ZNF814: variants seen among roughly 807,000 people sequenced by gnomAD.
ZNF814 encodes the protein zinc finger protein 814.
In ZNF814, 5 loss-of-function variants were observed where a neutral mutation model predicts 7.5. The ratio of observed to expected loss-of-function variants is 0.67; its 90% CI spans 0.35 to 1.40. The LOEUF (loss-of-function observed/expected upper bound fraction) is 1.40. Among genes scored for constraint, ZNF814 ranks in the 40% most tolerant of loss-of-function variants. The pLI is 0.04. For synonymous variants in ZNF814, 315 were observed against 340.7 expected (o/e 0.92, Z 0.83); for missense variants, 962 against 1,018.0 (o/e 0.94, Z 0.75).
rs1026706721 is a variant in ZNF814, at chr19:57,874,983, T to C, written c.407A>G (p.His136Arg). 11 of 1,612,528 alleles carry C rather than the reference T, an allele frequency of 6.8e-6. No homozygotes were observed. In the African/African-American group the frequency reaches 1.2e-4, roughly 18 times the overall value. The change falls in exon 3 of 3, where the codon CAT (histidine) becomes CGT (arginine). Residue 136 changes from histidine (H) to arginine (R), a missense_variant. His to Arg is a conservative substitution (Grantham distance 29, BLOSUM62 0). Around this residue, in one of 7 missense-constraint regions of ZNF814, gnomAD observed 65 missense variants for 131.3 expected, o/e 0.50. Transcript: ENST00000435989. ...GNKLYDSGNF[H>R]QHQNEHIGEK... ...TCCAATGTGCTCATTCTGGTGCTGA[T>C]GAAAGTTTCCACTGTCATACAATTT...
At chr19:57,896,867 C>T in the ZNF814 span, among the ~76,000 whole-genome samples, 1 of 152,066 alleles carries the variant, frequency 6.6e-6, no homozygotes, top group Non-Finnish European at 1.5e-5. This position sits in a 1 kb window ranked among gnomAD's most constrained non-coding sequence, Gnocchi z 4.2. Context: ...GAAGCTCAAA[C>T]TCAGGCAAGG....
rs554271512 is a variant in ZNF814 at position 57,888,623 on chromosome 19, G to C, written c.36+144C>G. On this transcript the variant is annotated intron_variant, in intron 1 of 2. Transcript: ENST00000435989. ...CCGGTCTCCCCACCGCATCCCACGG[G>C]TGTCAGAAATGGGGCCCCTCCCGCA... 59 of 984,920 alleles carry C rather than the reference G, an allele frequency of 6.0e-5. No homozygotes were observed. In the South Asian group the frequency reaches 7.2e-4, roughly 12 times the overall value. The allele number at this position is 984,920 out of a possible 1,614,324, so 61.0% of individuals were successfully genotyped here.
chr19:57,889,314 C>G (rs1469662196), upstream of ZNF814, among the ~76,000 whole-genome samples: 1 of 152,150 alleles, frequency 6.6e-6, no homozygotes, highest in Non-Finnish European at 1.5e-5. Context: ...GAGGCCAAGT[C>G]ACAAGGATCA....
At chr19:57,878,376 A>G (rs145511093) in intron 1 of ZNF814, among the ~76,000 whole-genome samples, 26 of 151,986 alleles carry the variant, frequency 1.7e-4, no homozygotes, top group Non-Finnish European at 3.5e-4. Flanking sequence ...GGACATAAAA[A>G]TGGAATTGAA....
intron 1 of ZNF814, among the ~76,000 whole-genome samples, chr19:57,883,660 C>CAAA (rs112035326): frequency 7.7e-6 from 1 of 129,428 alleles, no homozygotes; most frequent in Non-Finnish European, 1.7e-5. Flanking sequence ...GACCCTGTCT[C>CAAA]AAAAAAAAAA....
chr19:57,888,985 G>T lies in ZNF814; in HGVS notation c.-183C>A, dbSNP rs1310660010. The T allele has an allele frequency of 1.6e-5, 10 of 628,156 alleles. No individual in the cohort carries two copies. Among genetic ancestry groups the T allele is most frequent in the South Asian group, 6.2e-5 (3 of 48,680 alleles). The allele number at this position is 628,156 out of a possible 1,614,324, so 38.9% of individuals were successfully genotyped here. ...CTTCTGGGTTCAGTCACCACAGTGC[G>T]GACCTAGCGCTCAGGAGCCTCTCCT... On this transcript the variant is annotated 5_prime_UTR_variant, in exon 1 of 3. Coordinates refer to ENST00000435989, the MANE Select transcript of ZNF814 (RefSeq NM_001144989.2).
intron 1 of ZNF814, among the ~76,000 whole-genome samples, chr19:57,878,235 G>C (rs1385375452): frequency 6.6e-6 from 1 of 150,778 alleles, no homozygotes; most frequent in Non-Finnish European, 1.5e-5. Context: ...TCACCACAGA[G>C]AGCCACATGG....
rs780140042 is a variant in ZNF814, at chr19:57,873,027, G to A, written c.2363C>T (p.Thr788Ile). 2 of 1,612,952 alleles carry A rather than the reference G, an allele frequency of 1.2e-6. No individual in the cohort carries two copies. The highest frequency in any genetic ancestry group is 1.7e-6 in the Non-Finnish European group (2 of 1,179,672). ...TCCAGTGTGAACTCTTTTGTGTTTTGTGAAACTGGAGCTTTCAGCGAAAGA... is the reference window on the plus strand; with the variant it reads ...TCCAGTGTGAACTCTTTTGTGTTTTATGAAACTGGAGCTTTCAGCGAAAGA... The part of the protein sequence containing the change: ...GKSFAESSSF[T>I]KHKRVHTGEK... Residue 788 changes from threonine to isoleucine, a missense_variant, in exon 3 of 3, where the codon ACA (threonine) becomes ATA (isoleucine). Physicochemically the swap from Thr to Ile is moderately conservative, Grantham distance 89 (BLOSUM62 -1). Coordinates refer to ENST00000435989, the MANE Select transcript of ZNF814 (RefSeq NM_001144989.2).
At chr19:57,894,364 C>CA in the ZNF814 span, among the ~76,000 whole-genome samples, 20,794 of 102,210 alleles carry the variant, frequency 0.2, 1,474 homozygotes, top group Middle Eastern at 0.23. Context: ...GACTCCATCT[C>CA]AAAAAAAAAA....
intron 1 of ZNF814, among the ~76,000 whole-genome samples, chr19:57,879,671 C>G (rs1316364543): frequency 6.7e-6 from 1 of 149,722 alleles, no homozygotes; most frequent in African/African-American, 2.5e-5. Flanking sequence ...CCTATGTGGA[C>G]AAGCATCTCA....
rs1348939674 is a variant in ZNF814, at chr19:57,874,173, T to A, written c.1217A>T (p.Lys406Ile). Residue 406 changes from lysine (K) to isoleucine (I), a missense_variant, in exon 3 of 3, where the codon AAA (lysine) becomes ATA (isoleucine). This residue lies in a region of ZNF814 where 665 missense variants were observed against 551.4 expected (regional missense o/e 1.21). Coordinates refer to ENST00000435989, the MANE Select transcript of ZNF814 (RefSeq NM_001144989.2). Reference sequence around the variant, plus strand: ...CCCACATTCTCCACATTCATAATGTTTTTTGTCAGTGTGAACTCTCTGATG... The same window carrying A: ...CCCACATTCTCCACATTCATAATGTATTTTGTCAGTGTGAACTCTCTGATG... ...SNHQRVHTDK[K>I]HYECGECGKS... 1 of 1,587,028 alleles carries A rather than the reference T, an allele frequency of 6.3e-7. No individual in the cohort carries two copies. The highest frequency in any genetic ancestry group is 8.6e-7 in the Non-Finnish European group (1 of 1,166,422).
chr19:57,890,340 TG>T (rs2071727977), upstream of ZNF814, among the ~76,000 whole-genome samples: 1 of 152,076 alleles, frequency 6.6e-6, no homozygotes, highest in African/African-American at 2.4e-5. Context: ...TGGGGTTTTT[TG>T]TTGTTGTTGT....
chr19:57,903,278 C>T, the ZNF814 span, among the ~76,000 whole-genome samples: 2 of 152,184 alleles, frequency 1.3e-5, 1 homozygote, highest in South Asian at 4.1e-4. Flanking sequence ...TGTGGCTTTA[C>T]ACTCATCTGT....
Position 57,874,001 on chromosome 19 carries a change from A to G in ZNF814, c.1389T>C (p.Pro463=). The change falls in exon 3 of 3, where the codon CCT becomes CCC. Residue 463 remains proline (P), a synonymous_variant. Coordinates refer to ENST00000435989, the MANE Select transcript of ZNF814 (RefSeq NM_001144989.2). ...SHQRVHAGER[P]FKCGECVKSF... is the part of the protein sequence containing the mutation. ...ATTTCACACATTCTCCACACTTGAA[A>G]GGTCTTTCTCCGGCGTGAACTCGTT... 2 of 1,613,970 alleles carry G rather than the reference A, an allele frequency of 1.2e-6. No individual in the cohort carries two copies. Among genetic ancestry groups the G allele is most frequent in the South Asian group, 1.1e-5 (1 of 91,062 alleles).
rs1305447190 is a variant in ZNF814, at chr19:57,872,045, G to A, written c.*777C>T. ...AATCACTTAAGCCCAGATCAAGGGT[G>A]CAGTGAAATGTGAACACACCACTGC... On this transcript the variant is annotated 3_prime_UTR_variant, in exon 3 of 3. Coordinates refer to ENST00000435989, the MANE Select transcript of ZNF814 (RefSeq NM_001144989.2). 6.6e-6 allele frequency among the ~76,000 whole-genome samples: 1 copy of A among 152,110 alleles called. No homozygotes were observed. Among genetic ancestry groups the A allele is most frequent in the Non-Finnish European group, 1.5e-5 (1 of 68,016 alleles).
Position 57,873,577 on chromosome 19 carries a change from CAT to C in ZNF814, c.1811_1812del (p.Tyr604Ter). The C allele has an allele frequency of 6.2e-7, 1 of 1,612,244 alleles. No homozygotes were observed. Among genetic ancestry groups the C allele is most frequent in the Middle Eastern group, 1.7e-4 (1 of 6,044 alleles). Reference protein sequence around the residue: ...HQRVHTGERPYECGECGKSFS... With the variant: ...HQRVHTGERPXECGECGKSFS... The stretch of plus-strand genomic sequence containing the variant: ...AAAGATTTCCCACATTCTCCACACT[CAT>C]AAGGCCTCTCTCCAGTATGAACGCG... On this transcript the variant is annotated frameshift_variant, in exon 3 of 3. Transcript: ENST00000435989. LOFTEE classifies it low-confidence loss of function (END_TRUNC).
intron 1 of ZNF814, among the ~76,000 whole-genome samples, chr19:57,886,638 G>A (rs1300384477): frequency 3.3e-5 from 5 of 151,800 alleles, no homozygotes; most frequent in Admixed American, 2.6e-4. Flanking sequence ...CAGCACTTTC[G>A]GAGGCCGAGG....
the ZNF814 span, among the ~76,000 whole-genome samples, chr19:57,897,737 C>T: frequency 1.3e-5 from 2 of 152,184 alleles, no homozygotes; most frequent in Non-Finnish European, 2.9e-5. Context: ...GGGCCCTTTA[C>T]CCTCAGAAAA....
At position 57,875,870 on chromosome 19, in the gene ZNF814, A is replaced by G. The variant is rs559342415; in HGVS notation, c.164-644T>C. ...TGCCTACTTGCCTTGCCACAAAACT[A>G]CTACTAAAATAGAACAGGTTGTTGG... On this transcript the variant is annotated intron_variant, in intron 2 of 2. Coordinates refer to ENST00000435989, the MANE Select transcript of ZNF814 (RefSeq NM_001144989.2). Among the ~76,000 whole-genome samples, 315 of 151,376 alleles carry G rather than the reference A, an allele frequency of 2.1e-3. 1 individual carries two copies. The highest frequency in any genetic ancestry group is 7.2e-3 in the African/African-American group (298 of 41,210).
Sources: gnomAD v4.1 joint callset for allele counts (sites outside exome capture counted in the v4.1 genomes callset) on GRCh38, gnomAD v4.1.1 for gene constraint, gnomAD v4.1.1 regional missense constraint, Gnocchi (gnomAD v3.1) non-coding constraint, MANE v1.5 for transcripts, NCBI Gene and HGNC (gene_info 2026-07-23, HGNC 2026-07-21) for gene names.